SPAST: variants seen among roughly 807,000 people sequenced by gnomAD.
SPAST encodes the protein spastin.
Under a neutral mutation model 76.6 loss-of-function variants are expected in SPAST, and 30 were observed. The observed-to-expected ratio is 0.39, with a 90% CI of 0.29 to 0.53. The LOEUF is 0.53. SPAST is among the 20% of genes least tolerant of loss of function. The pLI is 0.68. For synonymous variants in SPAST, 305 were observed against 281.0 expected (o/e 1.09, Z -0.86); for missense variants, 717 against 770.5 (o/e 0.93, Z 0.82).
intron 15 of SPAST, among the ~76,000 whole-genome samples, chr2:32,146,667 C>T (rs919727386): frequency 6.6e-6 from 1 of 151,892 alleles, no homozygotes; most frequent in South Asian, 2.1e-4. Flanking sequence ...GAGTTCGAGA[C>T]CAGCTTGGCC....
chr2:32,113,044 T>C (rs1678676091), intron 4 of SPAST, among the ~76,000 whole-genome samples: 1 of 152,216 alleles, frequency 6.6e-6, no homozygotes, highest in African/African-American at 2.4e-5. Flanking sequence ...GTTCTATAAA[T>C]GTTCATTTGC....
intron 2 of SPAST, among the ~76,000 whole-genome samples, chr2:32,088,740 A>G (rs1232634239): frequency 1.3e-5 from 2 of 152,236 alleles, no homozygotes; most frequent in Non-Finnish European, 2.9e-5. Context: ...AGTATGATAT[A>G]TGCTCTTTTC....
chr2:32,121,424 A>G (rs3851308), intron 7 of SPAST, among the ~76,000 whole-genome samples: 70,897 of 151,902 alleles, frequency 0.47, 16,740 homozygotes, highest in Admixed American at 0.5. Flanking sequence ...TAGAGGCATG[A>G]GCCACTGCGC....
At chr2:32,114,924 C>A in intron 5 of SPAST, 99 bp downstream of exon 5, 4 of 818,640 alleles carry the variant, frequency 4.9e-6, no homozygotes, top group Non-Finnish European at 8.1e-6. Context: ...CTTTATAATA[C>A]TTTAGAGAAT....
chr2:32,063,784 C>T lies in SPAST; in HGVS notation c.-48C>T, dbSNP rs1676380330. 1 of 1,541,952 alleles carries T rather than the reference C, an allele frequency of 6.5e-7. No homozygotes were observed. Among genetic ancestry groups the T allele is most frequent in the Non-Finnish European group, 8.7e-7 (1 of 1,152,198 alleles). On this transcript the variant is annotated 5_prime_UTR_variant, in exon 1 of 17. Coordinates refer to ENST00000315285, the MANE Select transcript of SPAST (RefSeq NM_014946.4). ...GCTGCCGCCGTCGCTTGGTTCCCGT[C>T]GGTCTGCGGGAGGCGGGTTATGGCG... is the stretch of plus-strand genomic sequence containing the variant.
At chr2:32,097,696 T>C (rs1432414802) in intron 3 of SPAST, among the ~76,000 whole-genome samples, 1 of 123,434 alleles carries the variant, frequency 8.1e-6, no homozygotes, top group Non-Finnish European at 1.7e-5. Flanking sequence ...TTTTTTTCTT[T>C]TCTTTTTTTT....
intron 14 of SPAST, among the ~76,000 whole-genome samples, 155 bp downstream of exon 14, chr2:32,143,570 C>T (rs574031259): frequency 2.6e-5 from 4 of 152,098 alleles, no homozygotes; most frequent in African/African-American, 7.2e-5. Flanking sequence ...CTTTTTCTTA[C>T]CTCTTGTTCT....
intron 7 of SPAST, 87 bp downstream of exon 7, chr2:32,116,299 T>C (rs1678832717): frequency 1.2e-6 from 1 of 842,174 alleles, no homozygotes. Flanking sequence ...ATTTGAGCTA[T>C]ACTAAAATAA....
chr2:32,137,489 A>C (rs1282303217), intron 12 of SPAST, among the ~76,000 whole-genome samples: 1 of 152,180 alleles, frequency 6.6e-6, no homozygotes, highest in Non-Finnish European at 1.5e-5. Flanking sequence ...ATTGGGCTTC[A>C]TGAGAAAATA....
intron 1 of SPAST, among the ~76,000 whole-genome samples, chr2:32,081,781 C>CAAAAAAAAAAAAAAA (rs34078147): frequency 0.013 from 561 of 44,338 alleles, 43 homozygotes; most frequent in Non-Finnish European, 0.02. Context: ...GAGACACTGT[C>CAAAAAAAAAAAAAAA]AAAAAAAAAA....
chr2:32,133,786 AAT>A (rs1368217927), intron 9 of SPAST, among the ~76,000 whole-genome samples: 1 of 152,158 alleles, frequency 6.6e-6, no homozygotes, highest in Non-Finnish European at 1.5e-5. Flanking sequence ...GGGAAAAAAA[AAT>A]CAGAGAAGTT....
intron 7 of SPAST, among the ~76,000 whole-genome samples, chr2:32,123,037 A>G (rs754406826): frequency 1.8e-4 from 27 of 152,102 alleles, no homozygotes; most frequent in African/African-American, 6.0e-4. Context: ...CGAGGTGGGC[A>G]GATCACCTGA....
intron 1 of SPAST, among the ~76,000 whole-genome samples, chr2:32,085,201 T>A (rs1419919862): frequency 7.5e-6 from 1 of 134,020 alleles, no homozygotes; most frequent in Admixed American, 7.8e-5. Context: ...TTTTTCTTCT[T>A]CTTCTTTTTT....
At chr2:32,116,057 TTC>T in intron 6 of SPAST, 60 bp from the exon 7 acceptor site, 2 of 1,234,202 alleles carry the variant, frequency 1.6e-6, no homozygotes, top group Non-Finnish European at 2.4e-6. Context: ...GGGCTTAGGC[TTC>T]ATCTTGTAAT....
chr2:32,126,214 AT>A (rs1343185790), intron 7 of SPAST, among the ~76,000 whole-genome samples: 2 of 152,178 alleles, frequency 1.3e-5, no homozygotes, highest in African/African-American at 4.8e-5. Flanking sequence ...TGCTTCTTGC[AT>A]TTAGGTATCC....
At chr2:32,141,620 C>T (rs1189666264) in intron 12 of SPAST, among the ~76,000 whole-genome samples, 2 of 152,100 alleles carry the variant, frequency 1.3e-5, no homozygotes, top group Non-Finnish European at 2.9e-5. Context: ...TTTTCAGATT[C>T]AAGAAGACAG....
At chr2:32,136,741 AAAG>A (rs1487652777) in intron 10 of SPAST, 103 bp downstream of exon 10, 5 of 1,274,720 alleles carry the variant, frequency 3.9e-6, no homozygotes, top group Non-Finnish European at 5.7e-6. Context: ...AAGAAGTTTT[AAAG>A]AAGGGCAAGC....
At chr2:32,065,356 G>A (rs916859347) in intron 1 of SPAST, among the ~76,000 whole-genome samples, 2 of 151,974 alleles carry the variant, frequency 1.3e-5, no homozygotes, top group Non-Finnish European at 2.9e-5. Context: ...CAGGCATTGT[G>A]CTATTAGCTT....
At chr2:32,126,924 T>G (rs1163938380) in intron 7 of SPAST, 24 bp from the exon 8 acceptor site, 1 of 1,519,916 alleles carries the variant, frequency 6.6e-7, no homozygotes, top group African/African-American at 1.4e-5. Flanking sequence ...ATCATAGTTG[T>G]AAACTAAAGT....
Sources: allele counts gnomAD v4.1 joint callset (sites outside exome capture counted in the v4.1 genomes callset), GRCh38; gene constraint gnomAD v4.1.1; transcripts MANE v1.5; gene names NCBI Gene and HGNC (gene_info 2026-07-23, HGNC 2026-07-21).